Variants in TSR1 observed in about 807,000 individuals in gnomAD.
TSR1 encodes the protein pre-rRNA-processing protein TSR1 homolog.
Under a neutral mutation model 90.9 loss-of-function variants are expected in TSR1, and 81 were observed. The ratio of observed to expected loss-of-function variants is 0.89; its 90% CI spans 0.74 to 1.07. The LOEUF is 1.07. TSR1 is among the 50% of genes least tolerant of loss of function. The pLI is 0.00. For missense variants in TSR1, 989 were observed against 987.3 expected (o/e 1.00, Z -0.02); for synonymous variants, 362 against 348.8 (o/e 1.04, Z -0.42).
intron 11 of TSR1, among the ~76,000 whole-genome samples, chr17:2,327,436 T>C (rs1446574864): frequency 7.6e-6 from 1 of 130,968 alleles, no homozygotes; most frequent in Non-Finnish European, 1.7e-5. Context: ...AAAAAAAAAA[T>C]TGTAGAGACC....
rs1700420464 is a variant in TSR1 at position 2,336,232 on chromosome 17, C to A, written c.98-92G>T. 4 of 1,601,930 alleles carry A rather than the reference C, an allele frequency of 2.5e-6. No homozygotes were observed. The Admixed American group carries it at 5.0e-5, about 20-fold the overall frequency. ...CGCCCACCTTAGAAAGGGCCTTTCG[C>A]GTGGAGCCCAGACGGGAGACAGAAG... On this transcript the variant is annotated intron_variant, in intron 1 of 14. Coordinates refer to ENST00000301364, the MANE Select transcript of TSR1 (RefSeq NM_018128.5).
In TSR1 at chr17:2,335,280, G is replaced by A; in HGVS notation, c.536C>T (p.Ala179Val). The part of the protein sequence containing the change: ...TGDYCLSCLF[A>V]QGLPTYTLAV... Reference sequence around the variant, plus strand: ...CTTACTATAGGTCGGAAGGCCCTGAGCAAAGAGGCAGGAAAGACAGTAATC... The same window carrying A: ...CTTACTATAGGTCGGAAGGCCCTGAACAAAGAGGCAGGAAAGACAGTAATC... Residue 179 changes from alanine (A) to valine (V), a missense_variant, in exon 4 of 15, where the codon GCT (alanine) becomes GTT (valine). Transcript: ENST00000301364. The A allele has an allele frequency of 1.2e-6, 2 of 1,614,016 alleles. No individual in the cohort carries two copies. Among genetic ancestry groups the A allele is most frequent in the African/African-American group, 2.7e-5 (2 of 75,030 alleles).
chr17:2,334,797 T>C lies in TSR1; in HGVS notation c.656A>G (p.Lys219Arg), dbSNP rs772047731. Residue 219 changes from lysine to arginine, a missense_variant, in exon 5 of 15, where the codon AAA becomes AGA. By Grantham distance (26) the Lys-to-Arg change is conservative. Transcript: ENST00000301364. ...CTGTTGAGTGTCTAACAAGAGGAGT[T>C]TGTCATGCGGAAAGCGCTTCTCCAC... ...KAVEKRFPHD[K>R]LLLLDTQQEA... 5.6e-6 allele frequency: 9 copies of C among 1,614,250 alleles called. No individual in the cohort carries two copies. In the East Asian group the frequency reaches 1.1e-4, roughly 20 times the overall value.
chr17:2,324,647 C>A, intron 13 of TSR1, 42 bp downstream of exon 13: 1 of 1,613,884 alleles, frequency 6.2e-7, no homozygotes, highest in Non-Finnish European at 8.5e-7. Context: ...AACCTTTATA[C>A]CACAAAGGCA....
In TSR1 at chr17:2,323,801, A is replaced by G. The variant is rs777661938; in HGVS notation, c.*395T>C. The G allele has an allele frequency of 1.4e-5, 22 of 1,614,234 alleles. No homozygotes were observed. The highest frequency in any genetic ancestry group is 1.9e-5 in the Non-Finnish European group (22 of 1,180,050). The stretch of plus-strand genomic sequence containing the variant: ...GTATTGTGCTCAGTGGTGGAAATGT[A>G]GACTTAACCTCCTCCATAACTTGGG... On this transcript the variant is annotated 3_prime_UTR_variant, in exon 15 of 15. Coordinates refer to ENST00000301364, the MANE Select transcript of TSR1 (RefSeq NM_018128.5).
chr17:2,322,544 A>C lies in TSR1; in HGVS notation c.*1652T>G, dbSNP rs1405939627. The C allele has an allele frequency of 1.3e-5, 2 of 152,238 alleles. No individual in the cohort carries two copies. Among genetic ancestry groups the C allele is most frequent in the African/African-American group, 2.4e-5 (1 of 41,358 alleles). 9.4% of individuals were successfully genotyped at this position (152,238 alleles called of 1,614,324 possible). ...GAGACGGAGTCTCACTCTGTCACCC[A>C]GGCTGGAGTGCAGTGGCACGATCTT... On this transcript the variant is annotated 3_prime_UTR_variant, in exon 15 of 15. Coordinates refer to ENST00000301364, the MANE Select transcript of TSR1 (RefSeq NM_018128.5).
intron 11 of TSR1, among the ~76,000 whole-genome samples, chr17:2,327,128 C>T (rs552770205): frequency 6.8e-5 from 10 of 146,584 alleles, no homozygotes; most frequent in Admixed American, 2.1e-4. Context: ...ATTTTTTTTT[C>T]GTAGAGGCCG....
chr17:2,330,275 T>C, intron 10 of TSR1: 1 of 638,712 alleles, frequency 1.6e-6, no homozygotes, highest in South Asian at 1.4e-5. Flanking sequence ...CTGAAAAACA[T>C]ACTTGGAGAA....
intron 5 of TSR1, among the ~76,000 whole-genome samples, 166 bp from the exon 6 acceptor site, chr17:2,333,882 G>A (rs1371389079): frequency 2.0e-5 from 3 of 151,896 alleles, no homozygotes; most frequent in Admixed American, 6.6e-5. Context: ...AATTTCCAGG[G>A]TATTTTAAGT....
At chr17:2,333,746 C>T (rs752397969) in intron 5 of TSR1, 30 bp from the exon 6 acceptor site, 1 of 1,612,740 alleles carries the variant, frequency 6.2e-7, no homozygotes, top group South Asian at 1.1e-5. Flanking sequence ...GATAGTCAAC[C>T]ATGAACCAAA....
intron 10 of TSR1, 42 bp from the exon 11 acceptor site, chr17:2,329,517 G>A (rs758491167): frequency 7.5e-6 from 12 of 1,608,208 alleles, no homozygotes; most frequent in Non-Finnish European, 1.0e-5. Context: ...CATAGTCTAG[G>A]AATACAATTG....
intron 12 of TSR1, 85 bp downstream of exon 12, chr17:2,325,219 G>T: frequency 1.0e-6 from 1 of 973,410 alleles, no homozygotes; most frequent in Non-Finnish European, 1.5e-6. Context: ...ATACCATTTG[G>T]CTCCCAAATT....
At position 2,324,722 on chromosome 17, in the gene TSR1, T is replaced by C. The variant is rs1485625844; in HGVS notation, c.2128A>G (p.Met710Val). Residue 710 changes from methionine (M) to valine (V), a missense_variant, in exon 13 of 15, where the codon ATG becomes GTG. Coordinates refer to ENST00000301364, the MANE Select transcript of TSR1 (RefSeq NM_018128.5). ...AAGAACATGTAACGTACTACTGCCA[T>C]CTTAGTAAAAATTTTGAAAGGATGA... The part of the protein sequence containing the change: ...SGHPFKIFTK[M>V]AVVRYMFFNR... 8 of 1,614,196 alleles carry C rather than the reference T, an allele frequency of 5.0e-6. No individual in the cohort carries two copies. Among genetic ancestry groups the C allele is most frequent in the Non-Finnish European group, 6.8e-6 (8 of 1,180,030 alleles).
At chr17:2,333,777 G>A in intron 5 of TSR1, 61 bp from the exon 6 acceptor site, 1 of 1,599,734 alleles carries the variant, frequency 6.3e-7, no homozygotes, top group Non-Finnish European at 8.5e-7. Context: ...ATCTAACACA[G>A]TAACCAGAAA....
chr17:2,332,811 T>C, intron 7 of TSR1, 150 bp downstream of exon 7: 1 of 757,674 alleles, frequency 1.3e-6, no homozygotes, highest in South Asian at 2.5e-5. Flanking sequence ...CACTCCAGCC[T>C]GAGCAACAGA....
At chr17:2,329,018 G>T in intron 11 of TSR1, 2 of 394,982 alleles carry the variant, frequency 5.1e-6, no homozygotes, top group Non-Finnish European at 4.9e-6. Flanking sequence ...CACAAGTGTT[G>T]GGATTACAGG....
chr17:2,335,991 T>C, intron 2 of TSR1, 46 bp downstream of exon 2: 1 of 1,595,738 alleles, frequency 6.3e-7, no homozygotes, highest in African/African-American at 1.3e-5. Context: ...ATTAGCCACC[T>C]AGAACACCAG....
intron 6 of TSR1, 189 bp from the exon 7 acceptor site, chr17:2,333,313 C>T (rs1452371058): frequency 1.2e-6 from 1 of 851,084 alleles, no homozygotes; most frequent in Non-Finnish European, 1.9e-6. Context: ...GCTAAATAAG[C>T]CCTGCAATGA....
rs1162343572 is a variant in TSR1 at position 2,335,691 on chromosome 17, G to A, written c.241C>T (p.Pro81Ser). The change falls in exon 3 of 15, where the codon CCT (proline) becomes TCT (serine). Residue 81 changes from proline (P) to serine (S), a missense_variant. Pro to Ser is a moderately conservative substitution (Grantham distance 74). Coordinates refer to ENST00000301364, the MANE Select transcript of TSR1 (RefSeq NM_018128.5). ...EKRQLGGKDG[P>S]PHQVLVVPLH... ...GGCACCACCAGTACCTGATGAGGAG[G>A]GCCATCCTTGCCACCCAGCTGTCTC... is the stretch of plus-strand genomic sequence containing the variant. 4 of 1,613,792 alleles carry A rather than the reference G, an allele frequency of 2.5e-6. No individual in the cohort carries two copies. Among genetic ancestry groups the A allele is most frequent in the Middle Eastern group, 1.7e-4 (1 of 5,834 alleles).
Sources: gnomAD v4.1 joint callset for allele counts (sites outside exome capture counted in the v4.1 genomes callset) on GRCh38, gnomAD v4.1.1 for gene constraint, MANE v1.5 for transcripts, NCBI Gene and HGNC (gene_info 2026-07-23, HGNC 2026-07-21) for gene names.